Variants in KLHL13 observed in about 807,000 individuals in gnomAD.
The protein encoded by KLHL13 is kelch like family member 13.
A neutral mutation model predicts 37.1 loss-of-function variants in KLHL13; 10 were observed. The ratio of observed to expected loss-of-function variants is 0.27; its 90% CI spans 0.17 to 0.46. KLHL13 has a LOEUF of 0.46. Among genes scored for constraint, KLHL13 ranks in the 20% least tolerant of loss-of-function variants. KLHL13 has a pLI of 1.00. For missense variants in KLHL13, 360 were observed against 509.3 expected (o/e 0.71, Z 2.82); for synonymous variants, 163 against 181.2 (o/e 0.90, Z 0.81).
chrX:118,028,894 G>A (rs1369922188), intron 1 of KLHL13, among the ~76,000 whole-genome samples: 1 of 111,569 alleles, frequency 9.0e-6, no homozygotes, highest in Admixed American at 9.6e-5. Context: ...ACACCATTCT[G>A]AGTGGCAGGA....
At chrX:118,080,803 G>A (rs1450161392) in intron 1 of KLHL13, among the ~76,000 whole-genome samples, 2 of 111,550 alleles carry the variant, frequency 1.8e-5, no homozygotes, top group Non-Finnish European at 3.8e-5. Context: ...AAAAATACAC[G>A]TGCACTTGTA....
intron 1 of KLHL13, among the ~76,000 whole-genome samples, chrX:117,988,131 T>C (rs1394017264): frequency 8.9e-6 from 1 of 111,869 alleles, no homozygotes; most frequent in Admixed American, 9.5e-5. Context: ...GGTAGAAAAA[T>C]CTCAACAACC....
At position 117,940,108 on chromosome X, in the gene KLHL13, T is replaced by C. The variant is rs777622988; in HGVS notation, c.240+5326A>G. Among the ~76,000 whole-genome samples the C allele has an allele frequency of 5.4e-5, 6 of 112,147 alleles. 1 individual carries two copies. In the Admixed American group the frequency reaches 5.7e-4, roughly 11 times the overall value. On this transcript the variant is annotated intron_variant, in intron 2 of 6. Coordinates refer to ENST00000262820, the Ensembl canonical transcript of KLHL13. ...TTTAAGTCTTTAATCCATCTTAAGTTAATTTTTGTATAAGGTGTAAGGAAG... is the reference window on the plus strand; with the variant it reads ...TTTAAGTCTTTAATCCATCTTAAGTCAATTTTTGTATAAGGTGTAAGGAAG...
chrX:117,960,522 CAAACACT>C (rs1017487968), intron 1 of KLHL13, among the ~76,000 whole-genome samples: 2 of 112,166 alleles, frequency 1.8e-5, no homozygotes, highest in African/African-American at 6.5e-5. Context: ...TGCCAAACAC[CAAACACT>C]AAAGTGCATT....
intron 1 of KLHL13, among the ~76,000 whole-genome samples, chrX:118,047,223 A>G (rs574597909): frequency 1.0e-3 from 114 of 111,863 alleles, no homozygotes; most frequent in African/African-American, 3.6e-3. Context: ...AAAGGTAACA[A>G]AATGAAGCTG....
intron 3 of KLHL13, 146 bp from the exon 5 acceptor site, chrX:117,919,863 G>A (rs1931595420): frequency 2.1e-6 from 1 of 479,602 alleles, no homozygotes; most frequent in African/African-American, 2.4e-5. Context: ...ACATTTTACT[G>A]TTAAAAGAAA....
chrX:117,972,254 A>G, intron 1 of KLHL13, among the ~76,000 whole-genome samples: 1 of 111,919 alleles, frequency 8.9e-6, no homozygotes, highest in South Asian at 3.7e-4. Flanking sequence ...ACACAACTAA[A>G]GTATAAAAGT....
intron 1 of KLHL13, among the ~76,000 whole-genome samples, chrX:118,044,302 T>G (rs762424448): frequency 9.0e-6 from 1 of 111,144 alleles, no homozygotes; most frequent in South Asian, 3.7e-4. Context: ...ATGTCCATAC[T>G]ACCCAATGCT....
intron 1 of KLHL13, among the ~76,000 whole-genome samples, chrX:118,018,568 A>G (rs2054155942): frequency 9.0e-6 from 1 of 111,634 alleles, no homozygotes; most frequent in Admixed American, 9.6e-5. Context: ...ATATCCTCCT[A>G]AATTTATGTA....
At chrX:118,065,485 T>TA (rs2054784755) in intron 1 of KLHL13, among the ~76,000 whole-genome samples, 1 of 111,081 alleles carries the variant, frequency 9.0e-6, no homozygotes, top group Non-Finnish European at 1.9e-5. Flanking sequence ...AAACTAATTA[T>TA]ATATACTATC....
At chrX:118,033,206 G>T (rs1045538712) in intron 1 of KLHL13, among the ~76,000 whole-genome samples, 1 of 111,064 alleles carries the variant, frequency 9.0e-6, no homozygotes, top group African/African-American at 3.3e-5. Context: ...AATCTAGCAA[G>T]GCAGGCCAAC....
chrX:118,068,457 G>T (rs181728093), intron 1 of KLHL13, among the ~76,000 whole-genome samples: 26 of 111,395 alleles, frequency 2.3e-4, no homozygotes, highest in African/African-American at 8.5e-4. Context: ...GGAAATACTA[G>T]GACTCCATCA....
At chrX:118,096,826 AC>A (rs1195980266) in intron 1 of KLHL13, among the ~76,000 whole-genome samples, 2 of 111,669 alleles carry the variant, frequency 1.8e-5, no homozygotes, top group Non-Finnish European at 3.8e-5. Flanking sequence ...AACGACAAAA[AC>A]CACATGATTA....
rs1930121981 is a variant in KLHL13, at chrX:117,901,955, A to C, written c.1367-9T>G. The stretch of plus-strand genomic sequence containing the variant: ...GTAACATTCTACTGTGGCTGTTAAA[A>C]AAAAAAAGAAAAGAAAATTATTTTT... On this transcript the variant is annotated splice_polypyrimidine_tract_variant and intron_variant, in intron 5 of 6. Coordinates refer to ENST00000262820, the Ensembl canonical transcript of KLHL13. 1 of 955,376 alleles carries C rather than the reference A, an allele frequency of 1.0e-6. No homozygotes were observed. The highest frequency in any genetic ancestry group is 2.0e-5 in the African/African-American group (1 of 51,089). The allele number at this position is 955,376 out of a possible 1,213,427, so 78.7% of individuals were successfully genotyped here.
chrX:117,905,844 A>G (rs764372445), intron 5 of KLHL13, among the ~76,000 whole-genome samples: 1 of 111,559 alleles, frequency 9.0e-6, no homozygotes, highest in African/African-American at 3.2e-5. Flanking sequence ...ATTGTAAAAC[A>G]TACAATTAAA....
At chrX:117,911,131 G>A (rs1377514312) in intron 4 of KLHL13, among the ~76,000 whole-genome samples, 1 of 112,292 alleles carries the variant, frequency 8.9e-6, no homozygotes, top group Non-Finnish European at 1.9e-5. Flanking sequence ...ACAGGCAAAA[G>A]ACTTAAATGT....
intron 1 of KLHL13, among the ~76,000 whole-genome samples, chrX:117,987,335 C>T (rs1306714128): frequency 2.7e-5 from 3 of 111,340 alleles, no homozygotes; most frequent in African/African-American, 9.8e-5. Context: ...AGTGTAGGTG[C>T]TTGGGTATAG....
At chrX:117,917,203 A>G (rs181178194) in intron 4 of KLHL13, among the ~76,000 whole-genome samples, 1 of 111,807 alleles carries the variant, frequency 8.9e-6, no homozygotes, top group East Asian at 2.8e-4. Context: ...AGAGATTTCT[A>G]CTCTAAAACC....
intron 1 of KLHL13, among the ~76,000 whole-genome samples, chrX:118,070,400 T>C (rs1400684904): frequency 8.9e-6 from 1 of 112,513 alleles, no homozygotes; most frequent in East Asian, 2.8e-4. Flanking sequence ...TATCCATACA[T>C]GGCTATTTTT....
Sources: allele counts gnomAD v4.1 joint callset (sites outside exome capture counted in the v4.1 genomes callset), GRCh38; gene constraint gnomAD v4.1.1; transcripts MANE v1.5; gene names NCBI Gene and HGNC (gene_info 2026-07-23, HGNC 2026-07-21).